B3GALNT2: variants seen among roughly 807,000 people sequenced by gnomAD.
B3GALNT2 encodes the protein UDP-GalNAc:beta-1,3-N-acetylgalactosaminyltransferase 2.
B3GALNT2 carries 53 observed loss-of-function variants against 61.1 expected under a neutral mutation model. The observed-to-expected ratio is 0.87, with a 90% CI of 0.70 to 1.09. B3GALNT2 has a LOEUF of 1.09. B3GALNT2 is among the 50% of genes least tolerant of loss of function. B3GALNT2 has a pLI of 0.00. For missense variants in B3GALNT2, 544 were observed against 623.0 expected (o/e 0.87, Z 1.35); for synonymous variants, 223 against 237.4 (o/e 0.94, Z 0.56).
intron 5 of B3GALNT2, among the ~76,000 whole-genome samples, chr1:235,477,500 T>C (rs977829365): frequency 1.3e-5 from 2 of 152,194 alleles, no homozygotes; most frequent in Non-Finnish European, 2.9e-5. Context: ...TGCGATTAGC[T>C]TGAAGCATTA....
chr1:235,500,528 G>C (rs1685537247), intron 1 of B3GALNT2, among the ~76,000 whole-genome samples: 1 of 152,118 alleles, frequency 6.6e-6, no homozygotes, highest in Non-Finnish European at 1.5e-5. Context: ...AAAATTGATT[G>C]CTCAAAATAA....
intron 5 of B3GALNT2, among the ~76,000 whole-genome samples, chr1:235,472,076 T>C (rs1428505483): frequency 6.6e-6 from 1 of 152,246 alleles, no homozygotes; most frequent in Non-Finnish European, 1.5e-5. Context: ...CTTTGCCATC[T>C]GCCCTCTGAG....
chr1:235,465,503 C>A, intron 7 of B3GALNT2, 133 bp downstream of exon 7: 2 of 1,350,094 alleles, frequency 1.5e-6, no homozygotes, highest in Non-Finnish European at 2.0e-6. Context: ...ACCACTGAAC[C>A]ACTTTAAAAG....
At chr1:235,467,941 G>A (rs1378582661) in intron 6 of B3GALNT2, among the ~76,000 whole-genome samples, 8 of 151,162 alleles carry the variant, frequency 5.3e-5, no homozygotes, top group Non-Finnish European at 1.2e-4. Context: ...CATCACGCCT[G>A]GCTAATTTTT....
intron 2 of B3GALNT2, among the ~76,000 whole-genome samples, chr1:235,494,297 A>C (rs149913590): frequency 6.6e-6 from 1 of 152,230 alleles, no homozygotes; most frequent in African/African-American, 2.4e-5. Context: ...TTAACCAGTG[A>C]ATATACTCTC....
In B3GALNT2 at chr1:235,448,966, T is replaced by TAATG. The variant is rs1054064310; in HGVS notation, c.*1236_*1239dup. ...GCAATAATAAAGGCTTTGAACCTAC[T>TAATG]AATGATTTTCTGATCTTATTTCATA... On this transcript the variant is annotated 3_prime_UTR_variant, in exon 12 of 12. Transcript: ENST00000366600. 1.6e-5 allele frequency: 8 copies of TAATG among 500,722 alleles called. No individual in the cohort carries two copies. Among genetic ancestry groups the TAATG allele is most frequent in the African/African-American group, 1.6e-4 (8 of 51,592 alleles). 31.0% of individuals were successfully genotyped at this position (500,722 alleles called of 1,614,324 possible). A position where few individuals can be genotyped will look rare whatever the true frequency, so the allele number is the denominator to read the frequency against.
At chr1:235,447,127 T>TATCA (rs1221398917), downstream of B3GALNT2, among the ~76,000 whole-genome samples, 7 of 152,212 alleles carry the variant, frequency 4.6e-5, no homozygotes, top group Admixed American at 1.3e-4. Flanking sequence ...AGGACTAGAC[T>TATCA]ATCACATATT....
intron 8 of B3GALNT2, among the ~76,000 whole-genome samples, chr1:235,457,549 G>T (rs1180948121): frequency 1.3e-5 from 2 of 152,090 alleles, no homozygotes; most frequent in Non-Finnish European, 2.9e-5. Flanking sequence ...TGTTATTCTT[G>T]TTATAAAAGT....
chr1:235,494,760 G>A lies in B3GALNT2; in HGVS notation c.181C>T (p.Arg61Cys), dbSNP rs750718801. 43 of 1,611,878 alleles carry A rather than the reference G, an allele frequency of 2.7e-5. No homozygotes were observed. The highest frequency in any genetic ancestry group is 4.5e-5 in the East Asian group (2 of 44,870). ...ACGTTTCGAAGTTCATGGTTATTGC[G>A]AGCTGACAACACGCCAACTACCACA... is the stretch of plus-strand genomic sequence containing the variant. ...YDVVVGVLSARNNHELRNVIR... is the reference protein window; with the variant it reads ...YDVVVGVLSACNNHELRNVIR... The change falls in exon 2 of 12, where the codon CGC (arginine) becomes TGC (cysteine). Residue 61 changes from arginine to cysteine, a missense_variant. Transcript: ENST00000366600.
intron 1 of B3GALNT2, among the ~76,000 whole-genome samples, chr1:235,496,033 C>A (rs1396610391): frequency 6.6e-6 from 1 of 152,032 alleles, no homozygotes; most frequent in Non-Finnish European, 1.5e-5. Flanking sequence ...CATTCTGGGC[C>A]AGGCACGGTG....
intron 7 of B3GALNT2, among the ~76,000 whole-genome samples, chr1:235,459,032 T>C (rs1440267685): frequency 1.3e-5 from 2 of 152,152 alleles, no homozygotes; most frequent in Non-Finnish European, 2.9e-5. Context: ...TATGGTTCAG[T>C]TGAGGCCACT....
intron 6 of B3GALNT2, 61 bp downstream of exon 6, chr1:235,470,789 A>T (rs1161081302): frequency 5.7e-6 from 9 of 1,572,236 alleles, no homozygotes; most frequent in Non-Finnish European, 6.0e-6. Context: ...ATTTTAGAAC[A>T]ATTTTATATA....
Position 235,448,131 on chromosome 1 carries a change from C to T in B3GALNT2, c.*2075G>A, listed in dbSNP as rs1682557594. Among the ~76,000 whole-genome samples the T allele has an allele frequency of 3.4e-5, 5 of 146,518 alleles. No individual in the cohort carries two copies. The highest frequency in any genetic ancestry group is 4.3e-4 in the South Asian group (2 of 4,624). On this transcript the variant is annotated 3_prime_UTR_variant, in exon 12 of 12. Coordinates refer to ENST00000366600, the MANE Select transcript of B3GALNT2 (RefSeq NM_152490.5). ...AGGAGAATTGTTTGAACCCGGGAAGCGGAGGTTGCAGTGAGCCGAGATTAC... is the reference window on the plus strand; with the variant it reads ...AGGAGAATTGTTTGAACCCGGGAAGTGGAGGTTGCAGTGAGCCGAGATTAC...
chr1:235,466,125 G>A lies in B3GALNT2; in HGVS notation c.763-411C>T, dbSNP rs543808598. Among the ~76,000 whole-genome samples, 69 of 151,766 alleles carry A rather than the reference G, an allele frequency of 4.5e-4. 1 individual carries two copies. The highest frequency in any genetic ancestry group is 1.6e-3 in the African/African-American group (66 of 41,344). ...ATCTTGGCATGCTTTAAAGTTAAGA[G>A]ACCATGCAGAGAAAGGCTCAAAATT... On this transcript the variant is annotated intron_variant, in intron 6 of 11. Transcript: ENST00000366600.
intron 11 of B3GALNT2, 115 bp downstream of exon 11, chr1:235,452,975 C>A: frequency 1.1e-6 from 1 of 926,174 alleles, no homozygotes; most frequent in African/African-American, 1.7e-5. Context: ...CCAAAAAAAT[C>A]TGAAATCCTA....
Position 235,448,824 on chromosome 1 carries a change from A to C in B3GALNT2, c.*1382T>G. ...TCGTGTCTGGGGTTCACCGGAAATA[A>C]ATGATTCACTGGAACAATTCTACTG... On this transcript the variant is annotated 3_prime_UTR_variant, in exon 12 of 12. Transcript: ENST00000366600. 1 of 1,203,666 alleles carries C rather than the reference A, an allele frequency of 8.3e-7. No individual in the cohort carries two copies. The highest frequency in any genetic ancestry group is 1.2e-6 in the Non-Finnish European group (1 of 813,854). 74.6% of individuals were successfully genotyped at this position (1,203,666 alleles called of 1,614,324 possible). A position where few individuals can be genotyped will look rare whatever the true frequency, so the allele number is the denominator to read the frequency against.
intron 5 of B3GALNT2, among the ~76,000 whole-genome samples, chr1:235,475,756 G>A (rs1256959065): frequency 6.6e-6 from 1 of 152,040 alleles, no homozygotes; most frequent in African/African-American, 2.4e-5. Flanking sequence ...TTAGAAGATA[G>A]ATATACAAAA....
intron 1 of B3GALNT2, among the ~76,000 whole-genome samples, chr1:235,497,003 A>G (rs1685359640): frequency 5.9e-5 from 9 of 152,222 alleles, no homozygotes. Flanking sequence ...ATCTGAGTCT[A>G]AATTCTGATC....
chr1:235,467,378 A>C (rs1353045117), intron 6 of B3GALNT2, among the ~76,000 whole-genome samples: 1 of 152,146 alleles, frequency 6.6e-6, no homozygotes, highest in East Asian at 1.9e-4. Context: ...AATAAAATAA[A>C]AGTTCGTAGC....
Sources: allele counts gnomAD v4.1 joint callset (sites outside exome capture counted in the v4.1 genomes callset), GRCh38; gene constraint gnomAD v4.1.1; transcripts MANE v1.5; gene names NCBI Gene and HGNC (gene_info 2026-07-23, HGNC 2026-07-21).